The following DGKI variants were observed in gnomAD, a reference collection of about 807,000 sequenced individuals.
The protein encoded by DGKI is diacylglycerol kinase iota.
Under a neutral mutation model 147.5 loss-of-function variants are expected in DGKI, and 55 were observed. That is an observed-to-expected ratio of 0.37 (90% CI 0.30 to 0.47). The LOEUF (loss-of-function observed/expected upper bound fraction) is 0.47, where lower values mean the gene tolerates loss of function less well. Among genes scored for constraint, DGKI ranks in the 20% least tolerant of loss-of-function variants. The pLI is 1.00. For missense variants in DGKI, 1,007 were observed against 1,323.8 expected (o/e 0.76, Z 3.71); for synonymous variants, 469 against 477.1 (o/e 0.98, Z 0.22).
rs544351329 is a variant in DGKI, at chr7:137,585,661, C to T, written c.1426-315G>A. ...TTTGTTATCAGAGTAAAAAACAGGA[C>T]TCCCCATGGCTCTCACTGGAGGAAT... On this transcript the variant is annotated intron_variant, in intron 13 of 32. Coordinates refer to ENST00000614521, the MANE Select transcript of DGKI (RefSeq NM_001321708.2). Among the ~76,000 whole-genome samples the T allele has an allele frequency of 2.7e-4, 41 of 152,306 alleles. 1 individual carries two copies. The South Asian group carries it at 8.1e-3, about 30-fold the overall frequency.
rs1821497660 is a variant in DGKI, at chr7:137,638,639, T to TACACACAC, written c.804+6832_804+6833insGTGTGTGT. On this transcript the variant is annotated intron_variant, in intron 6 of 32. Transcript: ENST00000614521. Reference sequence around the variant, plus strand: ...ACACACACATATATATGTGTGTATATATGTGTATGTATATACACACATATG... The same window carrying TACACACAC: ...ACACACACATATATATGTGTGTATATACACACACATGTGTATGTATATACACACATATG... 3.7e-3 allele frequency among the ~76,000 whole-genome samples: 34 copies of TACACACAC among 9,098 alleles called. 14 individuals carry two copies. In the African/African-American group the frequency reaches 0.038, roughly 10 times the overall value. The allele number at this position is 9,098 out of a possible 152,430, so 6.0% of individuals were successfully genotyped here.
intron 21 of DGKI, among the ~76,000 whole-genome samples, chr7:137,503,884 C>T (rs1585178259): frequency 6.6e-6 from 1 of 152,240 alleles, no homozygotes; most frequent in African/African-American, 2.4e-5. Context: ...ATTCTATTAT[C>T]AACATGTACT....
At chr7:137,456,984 C>T (rs1814230102) in intron 27 of DGKI, among the ~76,000 whole-genome samples, 1 of 152,136 alleles carries the variant, frequency 6.6e-6, no homozygotes, top group South Asian at 2.1e-4. Context: ...TTAAATATTT[C>T]ACACACCCAT....
intron 1 of DGKI, among the ~76,000 whole-genome samples, chr7:137,697,735 G>T (rs1298331731): frequency 6.6e-6 from 1 of 152,052 alleles, no homozygotes; most frequent in African/African-American, 2.4e-5. Context: ...TATCAGATGA[G>T]AGTCAATTAC....
At chr7:137,724,937 A>G (rs1450915689) in intron 1 of DGKI, among the ~76,000 whole-genome samples, 5 of 152,218 alleles carry the variant, frequency 3.3e-5, no homozygotes, top group Non-Finnish European at 5.9e-5. Flanking sequence ...CTCTCCAACA[A>G]TTAGAAGTTG....
chr7:137,448,572 AGG>A (rs1563024815), intron 27 of DGKI, among the ~76,000 whole-genome samples: 1 of 108,054 alleles, frequency 9.3e-6, no homozygotes, highest in Admixed American at 9.6e-5. Context: ...GGAGAGAAGG[AGG>A]AGGGAGGGAA....
At position 137,834,400 on chromosome 7, in the gene DGKI, C is replaced by T. The variant is rs900980344; in HGVS notation, c.401+12062G>A. ...ACATATATGAGAGGCATTAATTGTT[C>T]GAGAGATGCTAAAACCAACCATACT... On this transcript the variant is annotated intron_variant, in intron 1 of 32. Transcript: ENST00000614521. Among the ~76,000 whole-genome samples the T allele has an allele frequency of 9.2e-5, 14 of 152,250 alleles. No individual in the cohort carries two copies. The East Asian group carries it at 1.2e-3, about 13-fold the overall frequency.
At chr7:137,831,925 C>T (rs1023593443) in intron 1 of DGKI, among the ~76,000 whole-genome samples, 7 of 152,210 alleles carry the variant, frequency 4.6e-5, no homozygotes, top group African/African-American at 1.7e-4. Context: ...CTGGCCAAAA[C>T]AGAGGGGCAA....
At chr7:137,599,713 G>C in intron 11 of DGKI, 110 bp downstream of exon 11, 1 of 908,744 alleles carries the variant, frequency 1.1e-6, no homozygotes, top group Non-Finnish European at 1.8e-6. Context: ...AGGTGAGAAG[G>C]TAGATGACAG....
intron 8 of DGKI, among the ~76,000 whole-genome samples, chr7:137,614,384 C>G (rs181135488): frequency 1.4e-4 from 22 of 152,134 alleles, no homozygotes; most frequent in Admixed American, 3.9e-4. Flanking sequence ...AGAAAATTCA[C>G]GTAAGTCTCA....
chr7:137,421,643 A>C (rs2128906284), intron 28 of DGKI, among the ~76,000 whole-genome samples: 1 of 152,322 alleles, frequency 6.6e-6, no homozygotes, highest in African/African-American at 2.4e-5. Flanking sequence ...GTCTCTCCAA[A>C]GCATCCCATT....
At chr7:137,797,391 T>G (rs1797064699) in intron 1 of DGKI, among the ~76,000 whole-genome samples, 1 of 152,154 alleles carries the variant, frequency 6.6e-6, no homozygotes, top group South Asian at 2.1e-4. Context: ...ACCACATAGG[T>G]AAATATGAAG....
intron 28 of DGKI, among the ~76,000 whole-genome samples, chr7:137,434,448 G>A (rs981121815): frequency 2.0e-5 from 3 of 151,980 alleles, no homozygotes; most frequent in Non-Finnish European, 4.4e-5. Flanking sequence ...GGGCGTGGTG[G>A]TGCACGCCTG....
At chr7:137,541,160 A>T (rs145505925) in intron 20 of DGKI, among the ~76,000 whole-genome samples, 1 of 152,230 alleles carries the variant, frequency 6.6e-6, no homozygotes, top group Non-Finnish European at 1.5e-5. Flanking sequence ...ACAATAATAG[A>T]AAGAATATGG....
At chr7:137,626,635 T>G (rs1820951048) in intron 6 of DGKI, among the ~76,000 whole-genome samples, 1 of 152,140 alleles carries the variant, frequency 6.6e-6, no homozygotes, top group Non-Finnish European at 1.5e-5. Flanking sequence ...CAAGCCATTT[T>G]TCAGGGAGCA....
At chr7:137,422,370 A>G (rs1030771205) in intron 28 of DGKI, among the ~76,000 whole-genome samples, 1 of 152,164 alleles carries the variant, frequency 6.6e-6, no homozygotes, top group Non-Finnish European at 1.5e-5. Context: ...TTCTCTAGCA[A>G]TAAATTAATA....
chr7:137,601,283 GAAAA>G (rs1327802883), intron 10 of DGKI, among the ~76,000 whole-genome samples: 1 of 150,780 alleles, frequency 6.6e-6, no homozygotes. Flanking sequence ...AAAAAAAAAA[GAAAA>G]AGAAATGCAA....
chr7:137,717,389 G>C (rs1475245624), intron 1 of DGKI, among the ~76,000 whole-genome samples: 1 of 152,068 alleles, frequency 6.6e-6, no homozygotes, highest in Non-Finnish European at 1.5e-5. Flanking sequence ...GTGAGTAATT[G>C]GCATTTTGGC....
intron 19 of DGKI, among the ~76,000 whole-genome samples, chr7:137,564,727 C>G (rs1818526315): frequency 6.6e-6 from 1 of 152,190 alleles, no homozygotes; most frequent in South Asian, 2.1e-4. Context: ...ATTCTCTTCC[C>G]TGTTTCATCA....
Sources: gnomAD v4.1 joint callset for allele counts (sites outside exome capture counted in the v4.1 genomes callset) on GRCh38, gnomAD v4.1.1 for gene constraint, MANE v1.5 for transcripts, NCBI Gene and HGNC (gene_info 2026-07-23, HGNC 2026-07-21) for gene names.